Variants in NALCN observed in about 807,000 individuals in gnomAD.
NALCN encodes sodium leak channel, non-selective.
A neutral mutation model predicts 225.3 loss-of-function variants in NALCN; 111 were observed. That is an observed-to-expected ratio of 0.49 (90% CI 0.42 to 0.58). The LOEUF (loss-of-function observed/expected upper bound fraction) is 0.58, where lower values mean the gene tolerates loss of function less well. Ranked by LOEUF, NALCN falls within the 20% of genes least tolerant of loss-of-function variation. NALCN has a pLI of 0.00. For synonymous variants in NALCN, 764 were observed against 769.0 expected (o/e 0.99, Z 0.11); for missense variants, 1,378 against 2,202.4 (o/e 0.63, Z 7.49).
intron 17 of NALCN, among the ~76,000 whole-genome samples, chr13:101,133,644 C>T (rs954817667): frequency 6.6e-6 from 1 of 151,934 alleles, no homozygotes; most frequent in Non-Finnish European, 1.5e-5. Context: ...AAAGTGCATA[C>T]GACAGATCAT....
rs147772241 is a variant in NALCN at position 101,218,631 on chromosome 13, G to A, written c.1626+10762C>T. 8.3e-4 allele frequency among the ~76,000 whole-genome samples: 127 copies of A among 152,224 alleles called. 1 individual carries two copies. Among genetic ancestry groups the A allele is most frequent in the African/African-American group, 3.0e-3 (123 of 41,536 alleles). On this transcript the variant is annotated intron_variant, in intron 13 of 43. Transcript: ENST00000251127. ...GGGGTGGTTTCTCAGGAATGGTTGA[G>A]CACCATCTTCTCAGTGCTGTTCTCA... is the stretch of plus-strand genomic sequence containing the variant.
rs2037177042 is a variant in NALCN, at chr13:101,143,151, T to C, written c.2047A>G (p.Thr683Ala). 1 of 1,614,128 alleles carries C rather than the reference T, an allele frequency of 6.2e-7. No homozygotes were observed. The highest frequency in any genetic ancestry group is 8.5e-7 in the Non-Finnish European group (1 of 1,180,026). The change falls in exon 17 of 44, where the codon ACC (threonine) becomes GCC (alanine). Residue 683 changes from threonine to alanine, a missense_variant. Thr to Ala is a moderately conservative substitution (Grantham distance 58). Around this residue, in one of 19 missense-constraint regions of NALCN, gnomAD observed 100 missense variants for 89.4 expected, o/e 1.12. Coordinates refer to ENST00000251127, the MANE Select transcript of NALCN (RefSeq NM_052867.4). ...DTCCLLRSLP[T>A]TSSSSCDHSK... ...TGGTCGCAGGAGGAGGAAGAGGTGG[T>C]CGGGAGGCTTCTCAGGAGGCAACAT...
intron 3 of NALCN, among the ~76,000 whole-genome samples, chr13:101,393,460 C>A (rs2047199908): frequency 6.6e-6 from 1 of 152,198 alleles, no homozygotes; most frequent in South Asian, 2.1e-4. Flanking sequence ...TTCCACAAGA[C>A]AAAAGACGCA....
At position 101,394,550 on chromosome 13, in the gene NALCN, A is replaced by G. The variant is rs553375055; in HGVS notation, c.291+633T>C. ...CTACATATGTTTAACCTATGTAAAG[A>G]TTAGTGCTATGGAAGGAAAAGATAT... On this transcript the variant is annotated intron_variant, in intron 3 of 43. Coordinates refer to ENST00000251127, the MANE Select transcript of NALCN (RefSeq NM_052867.4). Among the ~76,000 whole-genome samples, 12 of 152,326 alleles carry G rather than the reference A, an allele frequency of 7.9e-5. No individual in the cohort carries two copies. In the South Asian group the frequency reaches 2.3e-3, roughly 29 times the overall value.
intron 15 of NALCN, among the ~76,000 whole-genome samples, chr13:101,151,637 A>G (rs1375550415): frequency 4.6e-5 from 7 of 152,230 alleles, no homozygotes; most frequent in African/African-American, 1.7e-4. Flanking sequence ...TTGCTTCTTT[A>G]CACAGTGGCT....
At chr13:101,356,246 T>C (rs1203002289) in intron 6 of NALCN, among the ~76,000 whole-genome samples, 1 of 152,038 alleles carries the variant, frequency 6.6e-6, no homozygotes, top group African/African-American at 2.4e-5. Flanking sequence ...AAAAAATTAA[T>C]GAATTCAGGA....
intron 15 of NALCN, among the ~76,000 whole-genome samples, chr13:101,153,635 C>A (rs144585782): frequency 6.4e-4 from 97 of 152,318 alleles, no homozygotes; most frequent in Non-Finnish European, 1.2e-3. Flanking sequence ...GGTGTCCCCC[C>A]CTGCCTCAGT....
At chr13:101,072,283 G>T (rs1278572155) in intron 37 of NALCN, among the ~76,000 whole-genome samples, 1 of 152,206 alleles carries the variant, frequency 6.6e-6, no homozygotes, top group Non-Finnish European at 1.5e-5. Context: ...AAAATGCAAT[G>T]TCTGCAAAAG....
At chr13:101,096,882 G>A (rs2034537261) in intron 27 of NALCN, among the ~76,000 whole-genome samples, 1 of 151,670 alleles carries the variant, frequency 6.6e-6, no homozygotes, top group South Asian at 2.1e-4. Flanking sequence ...AGGTGTAGAT[G>A]GTAAAATTCT....
intron 10 of NALCN, among the ~76,000 whole-genome samples, chr13:101,259,431 T>C (rs935026382): frequency 4.6e-5 from 7 of 151,926 alleles, no homozygotes; most frequent in Non-Finnish European, 5.9e-5. Flanking sequence ...CTTCCTGGAT[T>C]CACGTCATTC....
chr13:101,173,179 T>C (rs576405820), intron 15 of NALCN, among the ~76,000 whole-genome samples: 1 of 152,312 alleles, frequency 6.6e-6, no homozygotes, highest in South Asian at 2.1e-4. Flanking sequence ...GTTTTAACGA[T>C]TGGGTTGCTG....
At chr13:101,347,763 C>T (rs2045786478) in intron 6 of NALCN, among the ~76,000 whole-genome samples, 1 of 152,078 alleles carries the variant, frequency 6.6e-6, no homozygotes, top group African/African-American at 2.4e-5. Flanking sequence ...AGAGAGTAAT[C>T]ATAATTAAAA....
chr13:101,178,360 G>C (rs2039049066), intron 14 of NALCN, among the ~76,000 whole-genome samples: 1 of 152,114 alleles, frequency 6.6e-6, no homozygotes, highest in Non-Finnish European at 1.5e-5. Context: ...TCTAAAAAAA[G>C]GGGGGTCGGA....
At chr13:101,189,340 A>G (rs9518339) in intron 14 of NALCN, among the ~76,000 whole-genome samples, 96,875 of 152,060 alleles carry the variant, frequency 0.64, 31,466 homozygotes, top group East Asian at 0.96. Flanking sequence ...TGATACTTGC[A>G]TAAATTAAAA....
chr13:101,395,473 C>T, intron 2 of NALCN, 108 bp from the exon 3 acceptor site: 1 of 1,044,920 alleles, frequency 9.6e-7, no homozygotes, highest in South Asian at 1.8e-5. Context: ...AAATAGTTTA[C>T]TAATGTGGAG....
chr13:101,289,726 T>G (rs1336845642), intron 9 of NALCN, among the ~76,000 whole-genome samples: 1 of 152,170 alleles, frequency 6.6e-6, no homozygotes, highest in Non-Finnish European at 1.5e-5. Context: ...AAAAGCTGTG[T>G]GCATTATAAT....
chr13:101,416,872 G>C (rs541593409), upstream of NALCN, among the ~76,000 whole-genome samples: 3 of 152,284 alleles, frequency 2.0e-5, no homozygotes, highest in Admixed American at 1.3e-4. Context: ...CGGGAGCCCA[G>C]CGTGCGAGCG....
chr13:101,171,320 G>A (rs1040500521), intron 15 of NALCN, among the ~76,000 whole-genome samples: 41 of 147,196 alleles, frequency 2.8e-4, no homozygotes, highest in African/African-American at 7.2e-4. Context: ...ATACATATAC[G>A]TATAGATATT....
rs139630933 is a variant in NALCN, at chr13:101,280,511, G to A, written c.1134+3422C>T. ...TATTCTCAAATCTTTGTGATAAGGA[G>A]GCTGACTTGCCTCCTAATTTCAGAT... On this transcript the variant is annotated intron_variant, in intron 10 of 43. Transcript: ENST00000251127. Among the ~76,000 whole-genome samples, 11 of 152,230 alleles carry A rather than the reference G, an allele frequency of 7.2e-5. 1 individual carries two copies. Among genetic ancestry groups the A allele is most frequent in the Middle Eastern group, 3.4e-3 (1 of 294 alleles).
Sources: allele counts gnomAD v4.1 joint callset (sites outside exome capture counted in the v4.1 genomes callset), GRCh38; gene constraint gnomAD v4.1.1; regional missense constraint gnomAD v4.1.1; transcripts MANE v1.5; gene names NCBI Gene and HGNC (gene_info 2026-07-23, HGNC 2026-07-21).